The following CEMIP2 variants were observed in gnomAD, a reference collection of about 807,000 sequenced individuals.
CEMIP2 encodes the protein cell surface hyaluronidase CEMIP2.
A neutral mutation model predicts 146.9 loss-of-function variants in CEMIP2; 79 were observed. The ratio of observed to expected loss-of-function variants is 0.54; its 90% CI spans 0.45 to 0.65. The LOEUF (loss-of-function observed/expected upper bound fraction) is 0.65, where lower values mean the gene tolerates loss of function less well. CEMIP2 is among the 30% of genes least tolerant of loss of function. The probability of loss-of-function intolerance (pLI) is 0.00; values close to 1 mark genes in which losing one functional copy is unlikely to be tolerated. For synonymous variants in CEMIP2, 601 were observed against 606.3 expected (o/e 0.99, Z 0.13); for missense variants, 1,596 against 1,696.2 (o/e 0.94, Z 1.04).
At chr9:71,706,338 A>T (rs1822739319) in intron 17 of CEMIP2, among the ~76,000 whole-genome samples, 1 of 152,116 alleles carries the variant, frequency 6.6e-6, no homozygotes. Flanking sequence ...TTTTTGGCAT[A>T]CTACATCATT....
intron 15 of CEMIP2, among the ~76,000 whole-genome samples, chr9:71,713,295 T>A (rs1280192821): frequency 6.6e-6 from 1 of 152,150 alleles, no homozygotes; most frequent in Non-Finnish European, 1.5e-5. Flanking sequence ...GGAGTTTCCC[T>A]GTTTTAAAAA....
Position 71,709,426 on chromosome 9 carries a change from A to G in CEMIP2, c.2818T>C (p.Cys940Arg). The G allele has an allele frequency of 6.2e-7, 1 of 1,614,204 alleles. No individual in the cohort carries two copies. The highest frequency in any genetic ancestry group is 1.1e-5 in the South Asian group (1 of 91,090). The stretch of plus-strand genomic sequence containing the variant: ...GAGTTCTTATCACCATCCATCTCAC[A>G]ATCTTCAAACCAGGGACCAGGCTTT... Reference protein sequence around the residue: ...FGKPGPWFEDCEMDGDKNSIF... With the variant: ...FGKPGPWFEDREMDGDKNSIF... The change falls in exon 17 of 24, where the codon TGT becomes CGT. Residue 940 changes from cysteine to arginine, a missense_variant. Cys to Arg is a radical substitution (Grantham distance 180). Transcript: ENST00000377044.
Position 71,728,223 on chromosome 9 carries a change from CTCTCTCTCTA to C in CEMIP2, c.2049+1612_2049+1621del, listed in dbSNP as rs1333542591. ...TCTCTCTCTCTCTCTCTCTCTCTCT[CTCTCTCTCTA>C]TATATATATATATATATGTATATAC... On this transcript the variant is annotated intron_variant, in intron 10 of 23. Coordinates refer to ENST00000377044, the MANE Select transcript of CEMIP2 (RefSeq NM_013390.3). Among the ~76,000 whole-genome samples, 126 of 22,214 alleles carry C rather than the reference CTCTCTCTCTA, an allele frequency of 5.7e-3. 12 individuals are homozygous for C. Among genetic ancestry groups the C allele is most frequent in the Middle Eastern group, 0.016 (1 of 64 alleles). The allele number at this position is 22,214 out of a possible 152,430, so 14.6% of individuals were successfully genotyped here.
At chr9:71,701,169 G>T (rs983786242) in intron 18 of CEMIP2, among the ~76,000 whole-genome samples, 4 of 152,062 alleles carry the variant, frequency 2.6e-5, no homozygotes, top group African/African-American at 9.7e-5. Context: ...GCAGTGGCGC[G>T]ATCTCAGCTC....
intron 11 of CEMIP2, among the ~76,000 whole-genome samples, chr9:71,723,132 C>CAGAGAAAAA (rs1823285603): frequency 4.1e-5 from 1 of 24,412 alleles, no homozygotes; most frequent in Admixed American, 4.1e-4. Flanking sequence ...ATGGAACAGC[C>CAGAGAAAAA]AAAGAAAAAA....
intron 1 of CEMIP2, among the ~76,000 whole-genome samples, chr9:71,766,848 G>A (rs924495506): frequency 1.3e-5 from 2 of 152,274 alleles, no homozygotes; most frequent in Admixed American, 6.5e-5. Context: ...AAAAAACAGC[G>A]TCAGGAGGAC....
chr9:71,729,440 A>G (rs1823546463), intron 10 of CEMIP2, among the ~76,000 whole-genome samples: 1 of 151,974 alleles, frequency 6.6e-6, no homozygotes, highest in Admixed American at 6.5e-5. Flanking sequence ...TAAAAAGGTG[A>G]AACCCCGTCT....
In CEMIP2 at chr9:71,728,294, TATATATAC is replaced by T. The variant is rs1344444026; in HGVS notation, c.2049+1543_2049+1550del. On this transcript the variant is annotated intron_variant, in intron 10 of 23. Coordinates refer to ENST00000377044, the MANE Select transcript of CEMIP2 (RefSeq NM_013390.3). ...ATATATATATATGTATATATATATA[TATATATAC>T]ATATATATATATATACGTATATATA... 9.6e-3 allele frequency among the ~76,000 whole-genome samples: 446 copies of T among 46,544 alleles called. 109 individuals carry two copies. The highest frequency in any genetic ancestry group is 0.034 in the African/African-American group (383 of 11,428). 30.5% of individuals were successfully genotyped at this position (46,544 alleles called of 152,430 possible).
At chr9:71,727,790 G>A (rs1184943857) in intron 10 of CEMIP2, among the ~76,000 whole-genome samples, 6 of 152,210 alleles carry the variant, frequency 3.9e-5, no homozygotes, top group African/African-American at 2.4e-5. Context: ...GATGGGTACG[G>A]TGGCTCATGC....
Position 71,745,300 on chromosome 9 carries a change from C to T in CEMIP2, c.752G>A (p.Gly251Asp). ...AAAGGTATAGGACCCAAAGGGCAAG[C>T]CTGAGGAATTCAGGGTCCTTGCCAA... is the stretch of plus-strand genomic sequence containing the variant. The part of the protein sequence containing the change: ...TLLARTLNSS[G>D]LPFGSYTFEK... Residue 251 changes from glycine (G) to aspartate (D), a missense_variant, in exon 4 of 24, where the codon GGC becomes GAC. Coordinates refer to ENST00000377044, the MANE Select transcript of CEMIP2 (RefSeq NM_013390.3). The T allele has an allele frequency of 1.2e-6, 2 of 1,613,860 alleles. No individual in the cohort carries two copies. The highest frequency in any genetic ancestry group is 1.7e-6 in the Non-Finnish European group (2 of 1,179,800).
intron 22 of CEMIP2, chr9:71,686,108 A>G (rs1822052414): frequency 5.6e-6 from 2 of 357,972 alleles, no homozygotes; most frequent in African/African-American, 4.2e-5. Context: ...AGGGCTTCCC[A>G]ACCCCTGGGC....
In CEMIP2 at chr9:71,732,686, A is replaced by ATTTTTTTTTTTTTTTTTT. The variant is rs59985618; in HGVS notation, c.1394-184_1394-167dup. On this transcript the variant is annotated intron_variant, in intron 6 of 23. Transcript: ENST00000377044. The stretch of plus-strand genomic sequence containing the variant: ...GAATCAGAATCCCAGGACACGGGGA[A>ATTTTTTTTTTTTTTTTTT]TTTTTTTTTTTTTTTTTTTTTTTTT... Among the ~76,000 whole-genome samples, 7 of 75,878 alleles carry ATTTTTTTTTTTTTTTTTT rather than the reference A, an allele frequency of 9.2e-5. 1 individual carries two copies. The highest frequency in any genetic ancestry group is 4.3e-4 in the African/African-American group (7 of 16,098). 49.8% of individuals were successfully genotyped at this position (75,878 alleles called of 152,430 possible).
chr9:71,748,334 T>C (rs534635064), intron 2 of CEMIP2, among the ~76,000 whole-genome samples: 1 of 152,264 alleles, frequency 6.6e-6, no homozygotes, highest in East Asian at 1.9e-4. Context: ...AGCTACCCAC[T>C]TGAAGAGCAG....
In CEMIP2 at chr9:71,756,216, C is replaced by CTA. The variant is rs1162424361; in HGVS notation, c.-12-5833_-12-5832dup. On this transcript the variant is annotated intron_variant, in intron 1 of 23. Coordinates refer to ENST00000377044, the MANE Select transcript of CEMIP2 (RefSeq NM_013390.3). ...CTAGATAGATAGATAGATAGATAGG[C>CTA]TATATATATATGTATATAGGTGTAT... Among the ~76,000 whole-genome samples the CTA allele has an allele frequency of 1.1e-4, 11 of 95,966 alleles. 1 individual carries two copies. The highest frequency in any genetic ancestry group is 1.6e-4 in the African/African-American group (5 of 31,168). The allele number at this position is 95,966 out of a possible 152,430, so 63.0% of individuals were successfully genotyped here.
At position 71,734,845 on chromosome 9, in the gene CEMIP2, G is replaced by C. The variant is rs781441792; in HGVS notation, c.1354C>G (p.Pro452Ala). 1 of 1,613,758 alleles carries C rather than the reference G, an allele frequency of 6.2e-7. No individual in the cohort carries two copies. Among genetic ancestry groups the C allele is most frequent in the Non-Finnish European group, 8.5e-7 (1 of 1,179,846 alleles). The change falls in exon 6 of 24, where the codon CCC becomes GCC. Residue 452 changes from proline (P) to alanine (A), a missense_variant. Transcript: ENST00000377044. ...MYQAEEFTLL[P>A]CSECSHFQVK... Reference sequence around the variant, plus strand: ...TGAAAATGGCTGCATTCAGAACAGGGAAGAAGAGTGAACTCCTCTGCTTGG... The same window carrying C: ...TGAAAATGGCTGCATTCAGAACAGGCAAGAAGAGTGAACTCCTCTGCTTGG...
At chr9:71,689,293 C>G (rs1822158777) in intron 22 of CEMIP2, among the ~76,000 whole-genome samples, 1 of 152,202 alleles carries the variant, frequency 6.6e-6, no homozygotes, top group South Asian at 2.1e-4. Flanking sequence ...GAAAATGATT[C>G]TAAAGCTAGA....
chr9:71,737,234 C>T (rs1823788683), intron 5 of CEMIP2, among the ~76,000 whole-genome samples: 1 of 149,242 alleles, frequency 6.7e-6, no homozygotes, highest in Non-Finnish European at 1.5e-5. Context: ...GGGCAGATCA[C>T]CTGAGGTCGG....
intron 1 of CEMIP2, among the ~76,000 whole-genome samples, chr9:71,764,925 T>TC (rs1824744723): frequency 6.6e-6 from 1 of 151,860 alleles, no homozygotes; most frequent in Non-Finnish European, 1.5e-5. Flanking sequence ...CTTCCTTTTT[T>TC]TTTTTTTCCT....
At chr9:71,711,107 C>A (rs1229661668) in intron 16 of CEMIP2, among the ~76,000 whole-genome samples, 1 of 152,104 alleles carries the variant, frequency 6.6e-6, no homozygotes, top group Non-Finnish European at 1.5e-5. Context: ...ATGATGAAAG[C>A]CTGGGGGCAT....
Sources: allele counts gnomAD v4.1 joint callset (sites outside exome capture counted in the v4.1 genomes callset), GRCh38; gene constraint gnomAD v4.1.1; transcripts MANE v1.5; gene names NCBI Gene and HGNC (gene_info 2026-07-23, HGNC 2026-07-21).